RGS9: variants seen among roughly 807,000 people sequenced by gnomAD.
The protein encoded by RGS9 is regulator of G-protein signalling 9.
In RGS9, 78 loss-of-function variants were observed where a neutral mutation model predicts 102.0. That is an observed-to-expected ratio of 0.76 (90% CI 0.64 to 0.92). The LOEUF is 0.92. Among genes scored for constraint, RGS9 ranks in the 40% least tolerant of loss-of-function variants. The pLI, the probability that RGS9 is intolerant of heterozygous loss-of-function variation, is 0.00. For synonymous variants in RGS9, 353 were observed against 318.6 expected (o/e 1.11, Z -1.15); for missense variants, 833 against 866.1 (o/e 0.96, Z 0.48).
In RGS9 at chr17:65,190,225, G is replaced by C. The variant is rs1598601686; in HGVS notation, c.735G>C (p.Val245=). Residue 245 remains valine (V), a synonymous_variant, in exon 11 of 19, where the codon GTG becomes GTC. Transcript: ENST00000262406. The part of the protein sequence containing the change: ...ALMRSTVKSS[V]SLGGIVKYSE... ...TGAGGTCCACAGTGAAGTCTTCTGTGTCCCTGGGAGGGTATGTCCCTGATT... is the reference window on the plus strand; with the variant it reads ...TGAGGTCCACAGTGAAGTCTTCTGTCTCCCTGGGAGGGTATGTCCCTGATT... 1.2e-6 allele frequency: 2 copies of C among 1,613,114 alleles called. No homozygotes were observed. The highest frequency in any genetic ancestry group is 4.5e-5 in the East Asian group (2 of 44,878).
chr17:65,205,861 A>G (rs1473668600), intron 15 of RGS9, among the ~76,000 whole-genome samples: 2 of 151,816 alleles, frequency 1.3e-5, no homozygotes, highest in African/African-American at 4.8e-5. Flanking sequence ...TGTGATATAG[A>G]TTATGTGGTA....
chr17:65,172,783 T>C (rs1193526154), intron 8 of RGS9, among the ~76,000 whole-genome samples: 1 of 152,042 alleles, frequency 6.6e-6, no homozygotes, highest in Non-Finnish European at 1.5e-5. Context: ...CTGCGTCCGG[T>C]TGGGGGTCAG....
chr17:65,142,828 C>G (rs905261071), intron 1 of RGS9, among the ~76,000 whole-genome samples: 1 of 152,136 alleles, frequency 6.6e-6, no homozygotes, highest in Admixed American at 6.5e-5. Flanking sequence ...GGTGCCCCAC[C>G]TGCCCTGCCT....
chr17:65,177,929 G>T (rs1911710585), intron 9 of RGS9, 126 bp downstream of exon 9: 16 of 796,670 alleles, frequency 2.0e-5, no homozygotes, highest in Middle Eastern at 3.3e-4. Context: ...AAAGAGAGGA[G>T]GACCGTGGGC....
At chr17:65,207,102 C>T (rs893266260) in intron 15 of RGS9, among the ~76,000 whole-genome samples, 2 of 152,178 alleles carry the variant, frequency 1.3e-5, no homozygotes, top group African/African-American at 4.8e-5. Flanking sequence ...AGTAAACAGC[C>T]CCATAACTGG....
chr17:65,185,659 C>T (rs770590940), intron 9 of RGS9, among the ~76,000 whole-genome samples: 1 of 152,158 alleles, frequency 6.6e-6, no homozygotes, highest in Non-Finnish European at 1.5e-5. Flanking sequence ...GCTGCAGTTC[C>T]ATTCCCAGAA....
chr17:65,193,397 A>T, intron 11 of RGS9, 146 bp from the exon 12 acceptor site: 1 of 690,826 alleles, frequency 1.4e-6, no homozygotes, highest in Non-Finnish European at 2.7e-6. Context: ...GGGTTATTTG[A>T]TTTGAGGAAA....
At chr17:65,160,005 T>C (rs927715156) in intron 3 of RGS9, among the ~76,000 whole-genome samples, 7 of 152,244 alleles carry the variant, frequency 4.6e-5, no homozygotes, top group Non-Finnish European at 7.3e-5. Flanking sequence ...TCTAGACTTA[T>C]TGAGTTGTCA....
At position 65,170,162 on chromosome 17, in the gene RGS9, C is replaced by G. The variant is rs1162521617; in HGVS notation, c.582+1881C>G. 4.0e-5 allele frequency among the ~76,000 whole-genome samples: 6 copies of G among 148,556 alleles called. No homozygotes were observed. In the East Asian group the frequency reaches 8.2e-4, roughly 20 times the overall value. ...CTCTGCCTCCCAGGTTCAACCAATT[C>G]TACTGCCTCAGCCTCCTGAGTAGCT... is the stretch of plus-strand genomic sequence containing the variant. On this transcript the variant is annotated intron_variant, in intron 8 of 18. Transcript: ENST00000262406.
At chr17:65,204,413 G>A in intron 15 of RGS9, 112 bp downstream of exon 15, 2 of 1,316,978 alleles carry the variant, frequency 1.5e-6, no homozygotes, top group South Asian at 1.3e-5. Flanking sequence ...ATAGAGCTTT[G>A]CCGGTTGTGG....
At chr17:65,147,279 G>A (rs1910400542) in intron 1 of RGS9, among the ~76,000 whole-genome samples, 1 of 152,218 alleles carries the variant, frequency 6.6e-6, no homozygotes, top group African/African-American at 2.4e-5. Flanking sequence ...AGTCCCTGGA[G>A]CTGCCTGGGT....
intron 9 of RGS9, among the ~76,000 whole-genome samples, chr17:65,184,213 G>A (rs144448618): frequency 4.6e-5 from 7 of 152,160 alleles, no homozygotes; most frequent in East Asian, 1.9e-4. Context: ...TAACAACTTC[G>A]TTTTAACATA....
intron 17 of RGS9, among the ~76,000 whole-genome samples, chr17:65,214,706 G>A (rs1913423514): frequency 2.0e-5 from 3 of 152,196 alleles, no homozygotes; most frequent in Admixed American, 2.0e-4. Context: ...CTGGATTTCA[G>A]TCCCACCTTG....
chr17:65,200,375 C>G (rs1912784132), intron 13 of RGS9, among the ~76,000 whole-genome samples: 1 of 152,228 alleles, frequency 6.6e-6, no homozygotes. Context: ...CCCTTGTAGT[C>G]TTCACCATAT....
At chr17:65,200,582 G>A (rs1357378394) in intron 13 of RGS9, among the ~76,000 whole-genome samples, 2 of 152,128 alleles carry the variant, frequency 1.3e-5, no homozygotes, top group Admixed American at 6.5e-5. Flanking sequence ...TCCAAAGAAC[G>A]CCCTAAAGTT....
intron 15 of RGS9, 76 bp downstream of exon 15, chr17:65,204,377 A>G (rs1407562247): frequency 1.3e-6 from 2 of 1,544,422 alleles, no homozygotes; most frequent in African/African-American, 1.4e-5. Flanking sequence ...TTCTTTAGAT[A>G]TAGGAAAAAG....
chr17:65,168,169 C>G (rs1009234707), intron 7 of RGS9, 31 bp from the exon 8 acceptor site: 8 of 1,518,504 alleles, frequency 5.3e-6, no homozygotes, highest in African/African-American at 1.4e-5. Context: ...CAAAGTCTTC[C>G]TGGCCTTACA....
At chr17:65,179,178 G>T (rs1207863224) in intron 9 of RGS9, among the ~76,000 whole-genome samples, 1 of 152,178 alleles carries the variant, frequency 6.6e-6, no homozygotes, top group African/African-American at 2.4e-5. Context: ...GCAGGGGAAG[G>T]AGGAGGGTGG....
chr17:65,155,124 C>T (rs1910721389), intron 2 of RGS9, among the ~76,000 whole-genome samples: 1 of 152,186 alleles, frequency 6.6e-6, no homozygotes, highest in Non-Finnish European at 1.5e-5. Context: ...ACAAGCCAGA[C>T]TTTGGAAAGG....
Sources: allele counts gnomAD v4.1 joint callset (sites outside exome capture counted in the v4.1 genomes callset), GRCh38; gene constraint gnomAD v4.1.1; transcripts MANE v1.5; gene names NCBI Gene and HGNC (gene_info 2026-07-23, HGNC 2026-07-21).